The following ADGRB3 variants were observed in gnomAD, a reference collection of about 807,000 sequenced individuals.
ADGRB3 encodes brain-specific angiogenesis inhibitor 3.
A neutral mutation model predicts 193.4 loss-of-function variants in ADGRB3; 37 were observed. The ratio of observed to expected loss-of-function variants is 0.19; its 90% confidence interval spans 0.15 to 0.25. The LOEUF is 0.25. Ranked by LOEUF, ADGRB3 falls within the 10% of genes least tolerant of loss-of-function variation. The pLI is 1.00. For missense variants in ADGRB3, 1,637 were observed against 1,852.9 expected (o/e 0.88, Z 2.14); for synonymous variants, 690 against 644.2 (o/e 1.07, Z -1.08).
chr6:68,725,531 G>A (rs1348879132), intron 3 of ADGRB3, among the ~76,000 whole-genome samples: 1 of 151,672 alleles, frequency 6.6e-6, no homozygotes, highest in African/African-American at 2.4e-5. Context: ...TTGATGACCA[G>A]TTTGATGTCA....
rs571020156 is a variant in ADGRB3, at chr6:69,089,760, G to A, written c.2480+13722G>A. 2.0e-5 allele frequency among the ~76,000 whole-genome samples: 3 copies of A among 152,310 alleles called. No homozygotes were observed. In the East Asian group the frequency reaches 5.8e-4, roughly 29 times the overall value. ...CTGGTTCTTTCTCTACCAAGTAGGA[G>A]CATCTCTCAATCTTGACACTGCAGG... is the stretch of plus-strand genomic sequence containing the variant. On this transcript the variant is annotated intron_variant, in intron 17 of 31. Coordinates refer to ENST00000370598, the MANE Select transcript of ADGRB3 (RefSeq NM_001704.3).
intron 17 of ADGRB3, among the ~76,000 whole-genome samples, chr6:69,146,306 T>C (rs571763647): frequency 5.9e-5 from 9 of 152,276 alleles, no homozygotes; most frequent in African/African-American, 1.9e-4. Flanking sequence ...AGGCTTGGCT[T>C]CAACTTTGCT....
At chr6:69,295,929 A>ACC (rs1429200218) in intron 20 of ADGRB3, among the ~76,000 whole-genome samples, 2 of 152,186 alleles carry the variant, frequency 1.3e-5, no homozygotes, top group Non-Finnish European at 2.9e-5. Flanking sequence ...ACCAGACTAG[A>ACC]ATATGTCTAT....
At chr6:68,702,385 G>T (rs1369894173) in intron 3 of ADGRB3, among the ~76,000 whole-genome samples, 1 of 152,086 alleles carries the variant, frequency 6.6e-6, no homozygotes, top group Non-Finnish European at 1.5e-5. Flanking sequence ...TTCCAACATT[G>T]GGGAATATAT....
At chr6:69,289,554 A>C (rs1467556341) in intron 20 of ADGRB3, among the ~76,000 whole-genome samples, 1 of 152,084 alleles carries the variant, frequency 6.6e-6, no homozygotes, top group Non-Finnish European at 1.5e-5. Flanking sequence ...CCAGCCCACT[A>C]GTTACATGGC....
chr6:69,143,234 T>C (rs1774389949), intron 17 of ADGRB3, among the ~76,000 whole-genome samples: 1 of 150,362 alleles, frequency 6.7e-6, no homozygotes, highest in African/African-American at 2.4e-5. Context: ...AATTCACAGA[T>C]TTTTTTTTTC....
rs568144555 is a variant in ADGRB3 at position 68,712,693 on chromosome 6, T to C, written c.757+73261T>C. On this transcript the variant is annotated intron_variant, in intron 3 of 31. Transcript: ENST00000370598. ...GTTTGGTAAATTATGATCATGGATGTTGAGACCAGTTGAATGGATTTTGCT... is the reference window on the plus strand; with the variant it reads ...GTTTGGTAAATTATGATCATGGATGCTGAGACCAGTTGAATGGATTTTGCT... Among the ~76,000 whole-genome samples the C allele has an allele frequency of 3.3e-5, 5 of 152,030 alleles. No homozygotes were observed. The South Asian group carries it at 1.0e-3, about 31-fold the overall frequency.
chr6:69,190,180 A>C lies in ADGRB3; in HGVS notation c.2481-43110A>C, dbSNP rs62406825. ...CTATTTAAAAAAAAGTTAACTATAA[A>C]GTAGCCTCGGGAAGTCATTTGTGGA... is the stretch of plus-strand genomic sequence containing the variant. On this transcript the variant is annotated intron_variant, in intron 17 of 31. Transcript: ENST00000370598. 3.4e-3 allele frequency among the ~76,000 whole-genome samples: 518 copies of C among 152,218 alleles called. 1 individual carries two copies. Among genetic ancestry groups the C allele is most frequent in the Non-Finnish European group, 4.7e-3 (322 of 68,002 alleles).
chr6:69,257,392 G>C (rs886795816), intron 20 of ADGRB3, among the ~76,000 whole-genome samples: 5 of 152,134 alleles, frequency 3.3e-5, no homozygotes, highest in African/African-American at 1.2e-4. Flanking sequence ...CCTGTTATTG[G>C]TCTATTCAGA....
At chr6:68,823,064 G>A (rs1582230674) in intron 3 of ADGRB3, among the ~76,000 whole-genome samples, 1 of 151,894 alleles carries the variant, frequency 6.6e-6, no homozygotes, top group African/African-American at 2.4e-5. Context: ...GGAAAGGAAG[G>A]AAAATTTTGT....
At chr6:69,037,525 C>T (rs886383470) in intron 13 of ADGRB3, among the ~76,000 whole-genome samples, 1 of 152,114 alleles carries the variant, frequency 6.6e-6, no homozygotes, top group Non-Finnish European at 1.5e-5. Context: ...GTGTGTTTTT[C>T]ATTTTTTGAA....
Position 69,361,164 on chromosome 6 carries a change from C to T in ADGRB3, c.3891C>T (p.Val1297=), listed in dbSNP as rs367545953. ...TGAGAGGGGCTGACATGGACATAGT[C>T]CATCCTCAAGAAAGAATGATGGAAA... The part of the protein sequence containing the change: ...DNLRGADMDI[V]HPQERMMESD... The change falls in exon 29 of 32, where the codon GTC becomes GTT. Residue 1297 remains valine (V), a synonymous_variant. Coordinates refer to ENST00000370598, the MANE Select transcript of ADGRB3 (RefSeq NM_001704.3). 2 of 1,612,708 alleles carry T rather than the reference C, an allele frequency of 1.2e-6. No homozygotes were observed. The highest frequency in any genetic ancestry group is 2.7e-5 in the African/African-American group (2 of 74,928).
chr6:68,783,486 T>C (rs1331115763), intron 3 of ADGRB3, among the ~76,000 whole-genome samples: 1 of 151,644 alleles, frequency 6.6e-6, no homozygotes, highest in Non-Finnish European at 1.5e-5. Flanking sequence ...ACTTGAAATA[T>C]GAGACTCTCT....
At chr6:69,241,653 G>T (rs1449853812) in intron 20 of ADGRB3, among the ~76,000 whole-genome samples, 1 of 151,772 alleles carries the variant, frequency 6.6e-6, no homozygotes, top group Non-Finnish European at 1.5e-5. Context: ...AGATGAATTT[G>T]GTTTACTTTT....
chr6:69,239,565 G>T lies in ADGRB3; in HGVS notation c.2814+339G>T, dbSNP rs1446220885. Among the ~76,000 whole-genome samples, 3 of 151,898 alleles carry T rather than the reference G, an allele frequency of 2.0e-5. No homozygotes were observed. In the East Asian group the frequency reaches 5.8e-4, roughly 29 times the overall value. Reference sequence around the variant, plus strand: ...ATTGTAAGAAGATCTAATTGTAACAGGATAGAAGGCTTTTGTTTTGGTCTA... The same window carrying T: ...ATTGTAAGAAGATCTAATTGTAACATGATAGAAGGCTTTTGTTTTGGTCTA... On this transcript the variant is annotated intron_variant, in intron 20 of 31. Coordinates refer to ENST00000370598, the MANE Select transcript of ADGRB3 (RefSeq NM_001704.3).
At chr6:68,645,353 T>A (rs776578092) in intron 3 of ADGRB3, among the ~76,000 whole-genome samples, 1 of 152,108 alleles carries the variant, frequency 6.6e-6, no homozygotes, top group Non-Finnish European at 1.5e-5. Flanking sequence ...ATGAAAAAAA[T>A]TAATAAAATT....
chr6:68,712,826 A>G (rs2802679), intron 3 of ADGRB3, among the ~76,000 whole-genome samples: 31,437 of 151,938 alleles, frequency 0.21, 3,852 homozygotes, highest in Middle Eastern at 0.43. Flanking sequence ...AAGTAGTGTG[A>G]CAGCTTTAGT....
intron 13 of ADGRB3, among the ~76,000 whole-genome samples, chr6:69,019,808 G>C (rs1360966964): frequency 6.6e-6 from 1 of 151,900 alleles, no homozygotes; most frequent in Non-Finnish European, 1.5e-5. Flanking sequence ...CCTTCTTATG[G>C]ACAATTAGAG....
chr6:69,158,408 T>C (rs1479724843), intron 17 of ADGRB3, among the ~76,000 whole-genome samples: 3 of 146,150 alleles, frequency 2.1e-5, no homozygotes, highest in Admixed American at 1.4e-4. Context: ...TAAGTATTAA[T>C]TTACTCACCC....
Sources: allele counts gnomAD v4.1 joint callset (sites outside exome capture counted in the v4.1 genomes callset), GRCh38; gene constraint gnomAD v4.1.1; transcripts MANE v1.5; gene names NCBI Gene and HGNC (gene_info 2026-07-23, HGNC 2026-07-21).